The following CSMD1 variants were observed in gnomAD, a reference collection of about 807,000 sequenced individuals.
The protein encoded by CSMD1 is CUB and Sushi multiple domains 1.
Under a neutral mutation model 417.5 loss-of-function variants are expected in CSMD1, and 213 were observed. That is an observed-to-expected ratio of 0.51 (90% CI 0.46 to 0.57). The LOEUF is 0.57. Among genes scored for constraint, CSMD1 ranks in the 20% least tolerant of loss-of-function variants. The pLI, the probability that CSMD1 is intolerant of heterozygous loss-of-function variation, is 0.00. For missense variants in CSMD1, 6,923 were observed against 4,529.7 expected (o/e 1.53, Z -15.17); for synonymous variants, 2,862 against 1,736.8 (o/e 1.65, Z -16.11).
intron 2 of CSMD1, among the ~76,000 whole-genome samples, chr8:4,534,837 G>A (rs2204531): frequency 0.33 from 50,235 of 151,940 alleles, 9,441 homozygotes; most frequent in South Asian, 0.46. Context: ...ATCTCAGCTC[G>A]ATGCAAGCTC....
chr8:4,736,748 G>C (rs1193640342), intron 1 of CSMD1, among the ~76,000 whole-genome samples: 1 of 152,140 alleles, frequency 6.6e-6, no homozygotes, highest in East Asian at 1.9e-4. Context: ...TGCAAACTTT[G>C]GAAGCAGGTT....
chr8:4,269,402 T>A (rs1221166199), intron 3 of CSMD1, among the ~76,000 whole-genome samples: 1 of 152,154 alleles, frequency 6.6e-6, no homozygotes, highest in African/African-American at 2.4e-5. Context: ...ACCACACTCC[T>A]AAGGCTGTGT....
intron 10 of CSMD1, among the ~76,000 whole-genome samples, chr8:3,537,736 T>G (rs1264926992): frequency 6.6e-6 from 1 of 152,150 alleles, no homozygotes; most frequent in East Asian, 1.9e-4. Context: ...GAATCAAAAG[T>G]TTTTAACTAT....
intron 57 of CSMD1, among the ~76,000 whole-genome samples, chr8:2,970,366 G>C (rs1179040926): frequency 6.6e-6 from 1 of 152,196 alleles, no homozygotes; most frequent in African/African-American, 2.4e-5. Flanking sequence ...ATCTTTGATA[G>C]AATATTTCAT....
At chr8:4,932,579 T>C (rs1398467351) in intron 1 of CSMD1, among the ~76,000 whole-genome samples, 2 of 152,198 alleles carry the variant, frequency 1.3e-5, no homozygotes, top group African/African-American at 2.4e-5. Flanking sequence ...CTTAGAAATA[T>C]GATACTGCAG....
intron 54 of CSMD1, among the ~76,000 whole-genome samples, chr8:2,995,940 C>A (rs75960014): frequency 3.3e-5 from 5 of 152,054 alleles, no homozygotes; most frequent in African/African-American, 9.7e-5. Context: ...CGGAGTAAGG[C>A]GGATTCTAGT....
At chr8:3,926,844 T>C (rs1036825156) in intron 5 of CSMD1, among the ~76,000 whole-genome samples, 1 of 150,062 alleles carries the variant, frequency 6.7e-6, no homozygotes, top group African/African-American at 2.4e-5. Flanking sequence ...GACTCCCAAG[T>C]AGCTGGGATT....
chr8:3,595,173 T>TGCCCCTTAGGGACACGATCCTAA (rs1283187948), intron 8 of CSMD1, among the ~76,000 whole-genome samples: 6 of 152,178 alleles, frequency 3.9e-5, no homozygotes, highest in South Asian at 2.1e-4. Flanking sequence ...TGCTGAGGGA[T>TGCCCCTTAGGGACACGATCCTAA]GCCCCTTAGG....
chr8:4,932,399 T>A (rs7828818), intron 1 of CSMD1, among the ~76,000 whole-genome samples: 8 of 151,824 alleles, frequency 5.3e-5, no homozygotes, highest in Admixed American at 4.6e-4. Context: ...ACAGAGTTTG[T>A]TCCTTCTGTG....
At chr8:4,097,382 T>A (rs1376278075) in intron 3 of CSMD1, among the ~76,000 whole-genome samples, 2 of 152,202 alleles carry the variant, frequency 1.3e-5, no homozygotes, top group Non-Finnish European at 2.9e-5. Flanking sequence ...CACACACGGG[T>A]GTTATAAGAA....
rs572673843 is a variant in CSMD1, at chr8:3,116,631, T to C, written c.6430+1768A>G. Among the ~76,000 whole-genome samples, 26 of 152,284 alleles carry C rather than the reference T, an allele frequency of 1.7e-4. No individual in the cohort carries two copies. In the South Asian group the frequency reaches 3.7e-3, roughly 22 times the overall value. On this transcript the variant is annotated intron_variant, in intron 42 of 69. Transcript: ENST00000635120. ...GTGGCAGGCATCACTTTAAATTCTA[T>C]CAAAAAAGGTAGATTTTGTTATTTT...
intron 5 of CSMD1, among the ~76,000 whole-genome samples, chr8:3,852,416 C>A (rs1379372465): frequency 6.6e-6 from 1 of 152,138 alleles, no homozygotes; most frequent in Admixed American, 6.5e-5. Flanking sequence ...ACCACACTCC[C>A]CTGTGCTGCT....
intron 39 of CSMD1, among the ~76,000 whole-genome samples, chr8:3,152,141 C>A: frequency 6.6e-6 from 1 of 152,184 alleles, no homozygotes; most frequent in East Asian, 1.9e-4. Context: ...TAACTGCAAC[C>A]ACTTTCTCCC....
chr8:4,006,739 C>G (rs150022641), intron 4 of CSMD1, among the ~76,000 whole-genome samples: 51 of 151,824 alleles, frequency 3.4e-4, no homozygotes, highest in African/African-American at 1.2e-3. Flanking sequence ...CAGACTGGAA[C>G]CAGAAGGAAC....
chr8:3,210,539 A>G (rs1320088765), intron 30 of CSMD1, among the ~76,000 whole-genome samples: 1 of 44,060 alleles, frequency 2.3e-5, no homozygotes, highest in African/African-American at 1.2e-4. Flanking sequence ...ATATATATAC[A>G]TATATACGTG....
intron 2 of CSMD1, among the ~76,000 whole-genome samples, chr8:4,470,904 T>A (rs1184617803): frequency 6.6e-6 from 1 of 152,226 alleles, no homozygotes. Flanking sequence ...ATGTAAATGA[T>A]TGTTTAGTAT....
At chr8:3,307,360 T>C (rs59074282) in intron 25 of CSMD1, among the ~76,000 whole-genome samples, 22,400 of 151,892 alleles carry the variant, frequency 0.15, 1,880 homozygotes, top group Admixed American at 0.21. Flanking sequence ...GGACTGCTCA[T>C]CCCCAGGCAG....
At chr8:4,095,090 C>G (rs574076861) in intron 3 of CSMD1, among the ~76,000 whole-genome samples, 1 of 152,222 alleles carries the variant, frequency 6.6e-6, no homozygotes, top group East Asian at 1.9e-4. Flanking sequence ...AATGTAACTG[C>G]AGAGGAAACA....
chr8:3,962,778 A>G (rs2129995733), intron 5 of CSMD1, among the ~76,000 whole-genome samples: 1 of 152,236 alleles, frequency 6.6e-6, no homozygotes, highest in Non-Finnish European at 1.5e-5. Context: ...TGTTTCCACA[A>G]TATTCATATT....
Sources: allele counts gnomAD v4.1 joint callset (sites outside exome capture counted in the v4.1 genomes callset), GRCh38; gene constraint gnomAD v4.1.1; transcripts MANE v1.5; gene names NCBI Gene and HGNC (gene_info 2026-07-23, HGNC 2026-07-21).